The following RIMS1 variants were observed in gnomAD, a reference collection of about 807,000 sequenced individuals.
RIMS1 encodes regulating synaptic membrane exocytosis 1, also known as regulating synaptic membrane exocytosis protein 1.
In RIMS1, 83 loss-of-function variants were observed where a neutral mutation model predicts 214.1. The observed-to-expected ratio is 0.39, with a 90% CI of 0.32 to 0.47. The LOEUF (loss-of-function observed/expected upper bound fraction) is 0.47, where lower values mean the gene tolerates loss of function less well. Ranked by LOEUF, RIMS1 falls within the 20% of genes least tolerant of loss-of-function variation. The pLI is 0.99. For missense variants in RIMS1, 2,050 were observed against 2,161.8 expected, an observed-to-expected ratio of 0.95 and a Z score of 1.03; for synonymous variants, 793 against 786.8, an observed-to-expected ratio of 1.01 and a Z score of -0.13.
chr6:72,276,631 T>C (rs2086574688), intron 23 of RIMS1, among the ~76,000 whole-genome samples: 1 of 152,124 alleles, frequency 6.6e-6, no homozygotes, highest in African/African-American at 2.4e-5. Context: ...AAGTCCTATG[T>C]TCGACCAAAA....
chr6:72,186,788 C>CA lies in RIMS1; in HGVS notation c.1678+3640dup, dbSNP rs1554265110. On this transcript the variant is annotated intron_variant, in intron 6 of 33. Transcript: ENST00000521978. ...CTGCATGTATATATGTACCCCCCCC[C>CA]ATATATATGTGTCCGAACAATCTCA... Among the ~76,000 whole-genome samples the CA allele has an allele frequency of 2.0e-5, 3 of 151,384 alleles. No individual in the cohort carries two copies. In the South Asian group the frequency reaches 6.3e-4, roughly 32 times the overall value.
intron 1 of RIMS1, among the ~76,000 whole-genome samples, chr6:71,917,850 T>A (rs1455510462): frequency 6.6e-6 from 1 of 152,108 alleles, no homozygotes. Flanking sequence ...TCTTATAGGT[T>A]TGATTTAGTG....
chr6:72,093,067 A>G (rs1476120131), intron 2 of RIMS1, among the ~76,000 whole-genome samples: 2 of 152,034 alleles, frequency 1.3e-5, no homozygotes, highest in Non-Finnish European at 1.5e-5. Flanking sequence ...GTATTATAAA[A>G]CATACATGTA....
rs188462971 is a variant in RIMS1 at position 72,294,414 on chromosome 6, C to A, written c.3850+2368C>A. On this transcript the variant is annotated intron_variant, in intron 26 of 33. Coordinates refer to ENST00000521978, the MANE Select transcript of RIMS1 (RefSeq NM_014989.7). Reference sequence around the variant, plus strand: ...TTAAGCCCCTACTGCACTTGACTTCCTTCCCATTTTTTAAAAATGTTTAAC... The same window carrying A: ...TTAAGCCCCTACTGCACTTGACTTCATTCCCATTTTTTAAAAATGTTTAAC... Among the ~76,000 whole-genome samples the A allele has an allele frequency of 3.3e-3, 496 of 151,836 alleles. 1 individual carries two copies. Among genetic ancestry groups the A allele is most frequent in the South Asian group, 0.012 (60 of 4,824 alleles).
chr6:72,008,939 C>T (rs1400001797), intron 2 of RIMS1, among the ~76,000 whole-genome samples: 4 of 152,030 alleles, frequency 2.6e-5, no homozygotes, highest in Admixed American at 6.6e-5. Flanking sequence ...AACAAGGATA[C>T]CCAGGAATTG....
chr6:72,252,789 C>A lies in RIMS1; in HGVS notation c.2727C>A (p.Ile909=), dbSNP rs762174705. The A allele has an allele frequency of 2.1e-5, 33 of 1,559,264 alleles. No homozygotes were observed. In the Middle Eastern group the frequency reaches 6.7e-4, roughly 31 times the overall value. The change falls in exon 16 of 34, where the codon ATC becomes ATA. Residue 909 remains isoleucine, a synonymous_variant. Coordinates refer to ENST00000521978, the MANE Select transcript of RIMS1 (RefSeq NM_014989.7). ...CTCAGCGAATCAGTGATAGTGACAT[C>A]TCAGATTATGAGGTTGATGATGGTA... is the stretch of plus-strand genomic sequence containing the variant. ...QRSQRISDSD[I]SDYEVDDGIG... is the part of the protein sequence containing the mutation.
chr6:72,290,799 A>G lies in RIMS1; in HGVS notation c.3675A>G (p.Thr1225=), dbSNP rs187642915. 3 of 1,613,722 alleles carry G rather than the reference A, an allele frequency of 1.9e-6. No homozygotes were observed. Among genetic ancestry groups the G allele is most frequent in the Non-Finnish European group, 1.7e-6 (2 of 1,179,786 alleles). ...SRSSEHSSIR[T]LCSMHHLVPG... ...CGAGTGAGCACTCTAGTATCAGAACACTGTGTTCTATGCACCACCTTGTCC... is the reference window on the plus strand; with the variant it reads ...CGAGTGAGCACTCTAGTATCAGAACGCTGTGTTCTATGCACCACCTTGTCC... The change falls in exon 25 of 34, where the codon ACA becomes ACG. Residue 1225 remains threonine, a synonymous_variant. Coordinates refer to ENST00000521978, the MANE Select transcript of RIMS1 (RefSeq NM_014989.7).
intron 2 of RIMS1, among the ~76,000 whole-genome samples, chr6:71,994,931 C>G (rs534814678): frequency 6.6e-6 from 1 of 152,194 alleles, no homozygotes; most frequent in Non-Finnish European, 1.5e-5. Flanking sequence ...AAAGCCAACT[C>G]TTTTGTTCTA....
chr6:72,217,230 G>A, intron 6 of RIMS1: 1 of 1,536,052 alleles, frequency 6.5e-7, no homozygotes, highest in East Asian at 2.4e-5. Context: ...TTCATACATT[G>A]CACTCAGGAA....
chr6:72,161,541 C>T (rs990449708), intron 4 of RIMS1, among the ~76,000 whole-genome samples: 1 of 140,096 alleles, frequency 7.1e-6, no homozygotes, highest in African/African-American at 2.5e-5. Context: ...ATAAATTTCC[C>T]TCTAAACACT....
intron 3 of RIMS1, among the ~76,000 whole-genome samples, chr6:72,097,949 C>A (rs1452966621): frequency 6.6e-6 from 1 of 151,900 alleles, no homozygotes; most frequent in Non-Finnish European, 1.5e-5. Context: ...TAAAATAGTG[C>A]AGTATAATTA....
At chr6:72,378,066 C>G (rs1046649608) in intron 29 of RIMS1, among the ~76,000 whole-genome samples, 1 of 152,148 alleles carries the variant, frequency 6.6e-6, no homozygotes, top group Non-Finnish European at 1.5e-5. Context: ...CATTGAGTCC[C>G]CCAACAGGAA....
Position 71,944,462 on chromosome 6 carries a change from T to C in RIMS1, c.165-24521T>C, listed in dbSNP as rs761143860. On this transcript the variant is annotated intron_variant, in intron 1 of 33. Transcript: ENST00000521978. Reference sequence around the variant, plus strand: ...TGCAACCATTCTGGGAAGCTTTGCTTAACTCTGATGTGAGAGAGGGATTGA... The same window carrying C: ...TGCAACCATTCTGGGAAGCTTTGCTCAACTCTGATGTGAGAGAGGGATTGA... Among the ~76,000 whole-genome samples the C allele has an allele frequency of 6.2e-4, 95 of 152,118 alleles. 1 individual carries two copies. Among genetic ancestry groups the C allele is most frequent in the Non-Finnish European group, 1.1e-3 (72 of 68,026 alleles).
intron 4 of RIMS1, among the ~76,000 whole-genome samples, chr6:72,141,787 G>A (rs184104627): frequency 6.4e-4 from 98 of 152,032 alleles, no homozygotes; most frequent in African/African-American, 2.3e-3. Context: ...TTCATGATAA[G>A]TCACTAGACT....
intron 28 of RIMS1, among the ~76,000 whole-genome samples, chr6:72,332,635 T>C (rs2096709097): frequency 6.7e-6 from 1 of 149,544 alleles, no homozygotes; most frequent in Non-Finnish European, 1.5e-5. Context: ...TGTATACATA[T>C]GTAACTAACC....
At chr6:71,957,277 A>G (rs1447957956) in intron 1 of RIMS1, among the ~76,000 whole-genome samples, 1 of 152,172 alleles carries the variant, frequency 6.6e-6, no homozygotes, top group Non-Finnish European at 1.5e-5. Context: ...TTATGCAGAG[A>G]TGGTCTTTTA....
chr6:72,003,998 T>G (rs1806352520), intron 2 of RIMS1, among the ~76,000 whole-genome samples: 1 of 146,926 alleles, frequency 6.8e-6, no homozygotes, highest in African/African-American at 2.5e-5. Context: ...TAGGTGTATC[T>G]CCTAATGCTA....
chr6:72,173,929 A>C (rs1335834995), intron 4 of RIMS1, among the ~76,000 whole-genome samples: 1 of 151,856 alleles, frequency 6.6e-6, no homozygotes, highest in African/African-American at 2.4e-5. Context: ...GGTCAACAAC[A>C]CCTGTCTGTT....
intron 4 of RIMS1, among the ~76,000 whole-genome samples, chr6:72,159,169 T>G (rs2044902995): frequency 1.4e-5 from 2 of 141,630 alleles, no homozygotes; most frequent in South Asian, 2.3e-4. Flanking sequence ...CATTTTTTCA[T>G]GTGTCTTTTG....
Sources: gnomAD v4.1 joint callset for allele counts (sites outside exome capture counted in the v4.1 genomes callset) on GRCh38, gnomAD v4.1.1 for gene constraint, MANE v1.5 for transcripts, NCBI Gene and HGNC (gene_info 2026-07-23, HGNC 2026-07-21) for gene names.